GRID2: variants seen among roughly 807,000 people sequenced by gnomAD.
GRID2 encodes the protein glutamate ionotropic receptor delta type subunit 2, also known as glutamate receptor ionotropic, delta-2.
In GRID2, 33 loss-of-function variants were observed where a neutral mutation model predicts 114.8. That is an observed-to-expected ratio of 0.29 (90% CI 0.22 to 0.38). The LOEUF (loss-of-function observed/expected upper bound fraction) is 0.38. Ranked by LOEUF, GRID2 falls within the 10% of genes least tolerant of loss-of-function variation. GRID2 has a pLI of 1.00. For missense variants in GRID2, 1,184 were observed against 1,257.7 expected (o/e 0.94, Z 0.89); for synonymous variants, 505 against 449.9 (o/e 1.12, Z -1.55).
intron 8 of GRID2, among the ~76,000 whole-genome samples, chr4:93,388,111 T>C (rs551578282): frequency 3.9e-5 from 6 of 152,254 alleles, no homozygotes; most frequent in South Asian, 4.1e-4. Context: ...AACATGATTC[T>C]ATATTACAGT....
At chr4:93,488,504 C>T (rs959321645) in intron 11 of GRID2, among the ~76,000 whole-genome samples, 2 of 151,802 alleles carry the variant, frequency 1.3e-5, no homozygotes, top group African/African-American at 2.4e-5. Flanking sequence ...TATAGTAAAT[C>T]GAATCCTGTT....
At chr4:93,122,095 T>G (rs572475925) in intron 4 of GRID2, among the ~76,000 whole-genome samples, 1 of 152,312 alleles carries the variant, frequency 6.6e-6, no homozygotes, top group African/African-American at 2.4e-5. Context: ...GAAGTTCTTA[T>G]TTGTAATGTA....
At chr4:92,823,713 T>C (rs1741463207) in intron 2 of GRID2, among the ~76,000 whole-genome samples, 1 of 152,180 alleles carries the variant, frequency 6.6e-6, no homozygotes, top group African/African-American at 2.4e-5. Flanking sequence ...AAATTAGTTG[T>C]TTGGTAAAGA....
intron 8 of GRID2, among the ~76,000 whole-genome samples, chr4:93,300,504 G>C (rs1217698427): frequency 2.0e-5 from 3 of 152,108 alleles, no homozygotes; most frequent in Non-Finnish European, 4.4e-5. Context: ...TCTGTGTTGA[G>C]GTACAGCACT....
chr4:92,946,666 A>T (rs904048044), intron 2 of GRID2, among the ~76,000 whole-genome samples: 5 of 152,058 alleles, frequency 3.3e-5, no homozygotes, highest in Non-Finnish European at 7.4e-5. Context: ...TCTAAGACAT[A>T]AACTGTTTTC....
intron 2 of GRID2, among the ~76,000 whole-genome samples, chr4:92,693,736 T>C (rs1734295373): frequency 6.6e-6 from 1 of 152,178 alleles, no homozygotes; most frequent in Non-Finnish European, 1.5e-5. Context: ...GAGAAAATGG[T>C]GCTTAACATA....
At chr4:93,539,326 T>A (rs544960382) in intron 13 of GRID2, among the ~76,000 whole-genome samples, 1 of 152,126 alleles carries the variant, frequency 6.6e-6, no homozygotes, top group African/African-American at 2.4e-5. Flanking sequence ...GCCTATCCTC[T>A]TGTTAAACTG....
At chr4:92,632,463 GTC>G (rs1730854703) in intron 2 of GRID2, among the ~76,000 whole-genome samples, 3 of 152,002 alleles carry the variant, frequency 2.0e-5, no homozygotes, top group African/African-American at 7.2e-5. Context: ...GCAAAACCCT[GTC>G]TCTACTAAAA....
At chr4:92,885,048 T>C in intron 2 of GRID2, 1 of 299,158 alleles carries the variant, frequency 3.3e-6, no homozygotes, top group Non-Finnish European at 6.6e-6. Context: ...CAGATTCTTC[T>C]TTCCTCTTAA....
intron 8 of GRID2, among the ~76,000 whole-genome samples, chr4:93,308,308 G>C (rs975874846): frequency 6.6e-6 from 1 of 152,066 alleles, no homozygotes; most frequent in Admixed American, 6.6e-5. Context: ...TTGTGGTTTC[G>C]AAAGTGTCTA....
At chr4:92,848,558 T>C (rs1386914330) in intron 2 of GRID2, among the ~76,000 whole-genome samples, 1 of 151,922 alleles carries the variant, frequency 6.6e-6, no homozygotes, top group Non-Finnish European at 1.5e-5. Context: ...TTTTGCAAAG[T>C]GCAAATCGGA....
At chr4:92,358,300 C>A (rs761016523) in intron 1 of GRID2, among the ~76,000 whole-genome samples, 1 of 151,792 alleles carries the variant, frequency 6.6e-6, no homozygotes, top group Non-Finnish European at 1.5e-5. Context: ...CATATCTGAT[C>A]GGACATACTA....
chr4:93,407,726 C>T (rs369761245), intron 9 of GRID2, among the ~76,000 whole-genome samples: 962 of 19,608 alleles, frequency 0.049, 24 homozygotes, highest in African/African-American at 0.11. Flanking sequence ...TCCTCCTTCT[C>T]CTCCTCCTCC....
intron 14 of GRID2, among the ~76,000 whole-genome samples, chr4:93,748,673 TTTTTC>T (rs1201922957): frequency 6.9e-6 from 1 of 144,432 alleles, no homozygotes; most frequent in Non-Finnish European, 1.5e-5. Context: ...CTATGGATCT[TTTTTC>T]TTTTCTTTAA....
intron 8 of GRID2, among the ~76,000 whole-genome samples, chr4:93,327,057 A>C (rs1266958593): frequency 1.3e-5 from 2 of 152,012 alleles, no homozygotes; most frequent in Non-Finnish European, 2.9e-5. Flanking sequence ...CCCAGCTGCT[A>C]AGTGTTGGAA....
intron 14 of GRID2, among the ~76,000 whole-genome samples, chr4:93,748,524 T>C (rs751659585): frequency 3.3e-5 from 5 of 152,168 alleles, no homozygotes; most frequent in Non-Finnish European, 4.4e-5. Flanking sequence ...AGTTGAAACT[T>C]GTCTTTGAAC....
intron 2 of GRID2, among the ~76,000 whole-genome samples, chr4:92,726,610 A>G (rs1736080537): frequency 2.6e-5 from 4 of 152,188 alleles, no homozygotes; most frequent in Middle Eastern, 3.4e-3. Context: ...AGCTGTAGTG[A>G]AAAAATATAT....
At chr4:92,328,264 G>C (rs1448331482) in intron 1 of GRID2, among the ~76,000 whole-genome samples, 1 of 152,012 alleles carries the variant, frequency 6.6e-6, no homozygotes, top group South Asian at 2.1e-4. Flanking sequence ...ACCAGAGCAG[G>C]GGAAAGGTGC....
intron 13 of GRID2, among the ~76,000 whole-genome samples, chr4:93,552,706 C>T (rs1398096060): frequency 6.6e-6 from 1 of 152,130 alleles, no homozygotes; most frequent in East Asian, 1.9e-4. Flanking sequence ...CATAGGTATA[C>T]ATGTGCCATG....
Sources: gnomAD v4.1 joint callset for allele counts (sites outside exome capture counted in the v4.1 genomes callset) on GRCh38, gnomAD v4.1.1 for gene constraint, MANE v1.5 for transcripts, NCBI Gene and HGNC (gene_info 2026-07-23, HGNC 2026-07-21) for gene names.